The following JAK2 variants were observed in gnomAD, a reference collection of about 807,000 sequenced individuals.
JAK2 encodes the protein tyrosine-protein kinase JAK2.
Under a neutral mutation model 139.3 loss-of-function variants are expected in JAK2, and 86 were observed. That is an observed-to-expected ratio of 0.62 (90% CI 0.52 to 0.74). The LOEUF (loss-of-function observed/expected upper bound fraction) is 0.74. Ranked by LOEUF, JAK2 falls within the 30% of genes least tolerant of loss-of-function variation. The pLI, the probability that JAK2 is intolerant of heterozygous loss-of-function variation, is 0.00. For synonymous variants in JAK2, 490 were observed against 437.7 expected (o/e 1.12, Z -1.49); for missense variants, 1,421 against 1,360.3 (o/e 1.04, Z -0.70).
At chr9:4,989,291 C>T (rs1820120990) in intron 2 of JAK2, among the ~76,000 whole-genome samples, 1 of 152,146 alleles carries the variant, frequency 6.6e-6, no homozygotes, top group Non-Finnish European at 1.5e-5. Context: ...TTCTCCATCC[C>T]TCTTTTTTTT....
chr9:5,037,044 C>T (rs560953145), intron 4 of JAK2, among the ~76,000 whole-genome samples: 27 of 152,252 alleles, frequency 1.8e-4, no homozygotes, highest in African/African-American at 5.1e-4. Context: ...AAAAAGTGGG[C>T]GAAGGATACG....
chr9:5,009,009 CTCTT>C (rs1554658984), intron 2 of JAK2, among the ~76,000 whole-genome samples: 3 of 152,182 alleles, frequency 2.0e-5, no homozygotes, highest in Non-Finnish European at 4.4e-5. Context: ...TATTATTCAA[CTCTT>C]TCACTGAATT....
chr9:5,009,436 AT>A (rs879759168), intron 2 of JAK2, among the ~76,000 whole-genome samples: 54 of 148,430 alleles, frequency 3.6e-4, no homozygotes, highest in East Asian at 5.9e-4. Flanking sequence ...ACTAGTCAGG[AT>A]TTTTTTTTTT....
intron 5 of JAK2, 60 bp downstream of exon 5, chr9:5,044,580 A>AAGT: frequency 9.3e-7 from 1 of 1,071,238 alleles, no homozygotes; most frequent in Non-Finnish European, 1.4e-6. Flanking sequence ...GCTGTTTAAT[A>AAGT]AGTCACTTAA....
chr9:5,021,824 G>C (rs1287777399), intron 2 of JAK2, 139 bp from the exon 3 acceptor site: 2 of 594,062 alleles, frequency 3.4e-6, no homozygotes, highest in Admixed American at 6.1e-5. Flanking sequence ...GTAGAGATGA[G>C]GTTTCACCAT....
intron 2 of JAK2, among the ~76,000 whole-genome samples, chr9:4,989,540 C>G (rs1322193579): frequency 6.6e-6 from 1 of 151,986 alleles, no homozygotes; most frequent in African/African-American, 2.4e-5. Flanking sequence ...AGTCACCAAA[C>G]AAATATTTGT....
upstream of JAK2, chr9:4,984,522 T>A (rs1267582909): frequency 3.3e-5 from 5 of 152,266 alleles, no homozygotes; most frequent in African/African-American, 1.2e-4. Flanking sequence ...CCAGCCAAGG[T>A]GGCTGATGGG....
chr9:5,073,104 T>TA (rs962889149), intron 13 of JAK2, among the ~76,000 whole-genome samples: 1 of 152,220 alleles, frequency 6.6e-6, no homozygotes. Context: ...ATATGATACT[T>TA]ACAATATCTT....
At chr9:5,126,293 A>C (rs756419929) in intron 23 of JAK2, 40 bp from the exon 24 acceptor site, 1 of 1,414,762 alleles carries the variant, frequency 7.1e-7, no homozygotes, top group Non-Finnish European at 9.9e-7. Flanking sequence ...TTTGCTACAA[A>C]TTAAATGTAC....
At chr9:5,008,436 A>G (rs1821463664) in intron 2 of JAK2, among the ~76,000 whole-genome samples, 1 of 152,214 alleles carries the variant, frequency 6.6e-6, no homozygotes, top group African/African-American at 2.4e-5. Context: ...AAGGGCTGGC[A>G]CTTTTGGTGA....
intron 6 of JAK2, among the ~76,000 whole-genome samples, chr9:5,051,752 A>G (rs924496360): frequency 2.0e-5 from 3 of 152,052 alleles, no homozygotes; most frequent in Non-Finnish European, 2.9e-5. Flanking sequence ...CTTTTTTGAA[A>G]TTGTTCTCCC....
chr9:5,126,582 C>A, intron 24 of JAK2, 102 bp from the exon 25 acceptor site: 1 of 945,284 alleles, frequency 1.1e-6, no homozygotes, highest in Non-Finnish European at 1.6e-6. Context: ...TGGAACAAGG[C>A]ATGGTTATGA....
rs187315399 is a variant in JAK2, at chr9:5,106,201, A to T, written c.3059+15290A>T. On this transcript the variant is annotated intron_variant, in intron 22 of 24. Coordinates refer to ENST00000381652, the MANE Select transcript of JAK2 (RefSeq NM_004972.4). ...ATATCCAAAATCTACAAAGAAATTT[A>T]CAAGAAAAAAACAACCCCATCAAAA... Among the ~76,000 whole-genome samples, 4 of 152,354 alleles carry T rather than the reference A, an allele frequency of 2.6e-5. No individual in the cohort carries two copies. The South Asian group carries it at 6.2e-4, about 24-fold the overall frequency.
At chr9:5,112,759 G>C in intron 22 of JAK2, 1 of 638,402 alleles carries the variant, frequency 1.6e-6, no homozygotes, top group Non-Finnish European at 2.4e-6. Context: ...GAGAAGAGAA[G>C]GTGTCGCGCG....
intron 23 of JAK2, among the ~76,000 whole-genome samples, chr9:5,125,101 A>G (rs1401611211): frequency 3.3e-5 from 5 of 151,336 alleles, no homozygotes; most frequent in Admixed American, 1.3e-4. Flanking sequence ...TTAATATGGA[A>G]AAGTATGAAA....
chr9:5,111,119 AC>A, intron 22 of JAK2: 2 of 1,203,148 alleles, frequency 1.7e-6, no homozygotes, highest in Non-Finnish European at 2.3e-6. Flanking sequence ...TCCTCCTTTG[AC>A]CCCAGCTGGA....
chr9:5,042,086 G>A (rs935187483), intron 4 of JAK2: 3 of 228,828 alleles, frequency 1.3e-5, no homozygotes, highest in Admixed American at 5.5e-5. Flanking sequence ...TCCCCGGGAC[G>A]AGGGGTCACT....
In JAK2 at chr9:5,123,106, TA is replaced by T; in HGVS notation, c.3166del (p.Ser1056ValfsTer9). On this transcript the variant is annotated frameshift_variant, in exon 23 of 25. Coordinates refer to ENST00000381652, the MANE Select transcript of JAK2 (RefSeq NM_004972.4). LOFTEE classifies it high-confidence loss of function. ...YELFTYIEKS[K>X]SPPAEFMRMI... ...AACTTTTCACATACATTGAGAAGAGTAAAAGTCCACCAGCGGTCAGTGTGCT... is the reference window on the plus strand; with the variant it reads ...AACTTTTCACATACATTGAGAAGAGTAAAGTCCACCAGCGGTCAGTGTGCT... The T allele has an allele frequency of 6.3e-7, 1 of 1,599,566 alleles. No individual in the cohort carries two copies. Among genetic ancestry groups the T allele is most frequent in the Admixed American group, 1.7e-5 (1 of 58,354 alleles).
intron 8 of JAK2, among the ~76,000 whole-genome samples, chr9:5,064,208 T>C (rs1004584077): frequency 4.0e-5 from 6 of 151,680 alleles, no homozygotes; most frequent in Non-Finnish European, 7.4e-5. Flanking sequence ...ACATTTTAGT[T>C]TGTAGCATGA....
Sources: allele counts gnomAD v4.1 joint callset (sites outside exome capture counted in the v4.1 genomes callset), GRCh38; gene constraint gnomAD v4.1.1; transcripts MANE v1.5; gene names NCBI Gene and HGNC (gene_info 2026-07-23, HGNC 2026-07-21).